NSUN6: variants seen among roughly 807,000 people sequenced by gnomAD.
NSUN6 encodes tRNA (cytosine(72)-C(5))-methyltransferase NSUN6.
In NSUN6, 64 loss-of-function variants were observed where a neutral mutation model predicts 58.0. The ratio of observed to expected loss-of-function variants is 1.10; its 90% CI spans 0.90 to 1.36. The LOEUF is 1.36. Ranked by LOEUF, NSUN6 falls within the 40% of genes most tolerant of loss-of-function variation. NSUN6 has a pLI of 0.00. For missense variants in NSUN6, 701 were observed against 550.1 expected (o/e 1.27, Z -2.74); for synonymous variants, 231 against 193.9 (o/e 1.19, Z -1.59).
At chr10:18,633,708 T>C (rs1433072579) in intron 3 of NSUN6, among the ~76,000 whole-genome samples, 2 of 152,174 alleles carry the variant, frequency 1.3e-5, no homozygotes, top group African/African-American at 2.4e-5. Context: ...AAAGAAGAAA[T>C]AGATTGTCAG....
chr10:18,628,031 G>A (rs962565706), intron 3 of NSUN6, among the ~76,000 whole-genome samples: 2 of 152,234 alleles, frequency 1.3e-5, no homozygotes, highest in African/African-American at 4.8e-5. Flanking sequence ...GAAGAGAGCA[G>A]TGGTTCTCCC....
At position 18,585,901 on chromosome 10, in the gene NSUN6, C is replaced by T. The variant is rs764090768; in HGVS notation, c.922+48G>A. 1.6e-5 allele frequency: 23 copies of T among 1,425,256 alleles called. No homozygotes were observed. The South Asian group carries it at 2.8e-4, about 17-fold the overall frequency. The allele number at this position is 1,425,256 out of a possible 1,614,324, so 88.3% of individuals were successfully genotyped here. A position where few individuals can be genotyped will look rare whatever the true frequency, so the allele number is the denominator to read the frequency against. ...TGTCAAAACATCACACTGTATGCCA[C>T]AAATATATGATCTGTCAATTAAAAA... On this transcript the variant is annotated intron_variant, in intron 8 of 10. Coordinates refer to ENST00000377304, the MANE Select transcript of NSUN6 (RefSeq NM_182543.5).
upstream of NSUN6, among the ~76,000 whole-genome samples, chr10:18,653,890 C>T (rs2059748532): frequency 6.6e-6 from 1 of 152,078 alleles, no homozygotes; most frequent in Non-Finnish European, 1.5e-5. Flanking sequence ...ACATGGCTCC[C>T]CAGGGTGTGG....
At chr10:18,584,317 G>A (rs551632557) in intron 8 of NSUN6, among the ~76,000 whole-genome samples, 3 of 152,258 alleles carry the variant, frequency 2.0e-5, no homozygotes, top group South Asian at 4.1e-4. Context: ...AAAAGTTTCC[G>A]CTTTCTGCTC....
chr10:18,548,381 A>C (rs1589807046), intron 9 of NSUN6, 144 bp from the exon 10 acceptor site: 1 of 653,856 alleles, frequency 1.5e-6, no homozygotes, highest in East Asian at 2.8e-5. Flanking sequence ...TTCTGTAATT[A>C]GAGTATGCAA....
chr10:18,594,373 T>C (rs2057499171), intron 7 of NSUN6, among the ~76,000 whole-genome samples: 1 of 152,168 alleles, frequency 6.6e-6, no homozygotes, highest in Non-Finnish European at 1.5e-5. Context: ...TAGCCTACAA[T>C]GCAGACAATT....
intron 8 of NSUN6, among the ~76,000 whole-genome samples, chr10:18,569,277 T>C (rs1206322031): frequency 6.7e-6 from 1 of 149,408 alleles, no homozygotes; most frequent in African/African-American, 2.5e-5. Flanking sequence ...TCCATTCCAT[T>C]CTCCATACCA....
chr10:18,561,256 A>C (rs1277023473), intron 8 of NSUN6, among the ~76,000 whole-genome samples: 1 of 78,334 alleles, frequency 1.3e-5, no homozygotes, highest in African/African-American at 4.6e-5. Flanking sequence ...TGCAGTGGTG[A>C]ACAGAATGGA....
chr10:18,625,669 C>T (rs1357935490), intron 3 of NSUN6, among the ~76,000 whole-genome samples: 17 of 137,552 alleles, frequency 1.2e-4, no homozygotes, highest in East Asian at 2.3e-4. Flanking sequence ...GCCGAGATCG[C>T]GCCACTGCAC....
At chr10:18,580,290 T>A (rs1442998900) in intron 8 of NSUN6, among the ~76,000 whole-genome samples, 1 of 152,170 alleles carries the variant, frequency 6.6e-6, no homozygotes, top group Non-Finnish European at 1.5e-5. Flanking sequence ...CGCTCTTTTC[T>A]CCCTTTTCCA....
chr10:18,620,175 C>T (rs1005792648), intron 3 of NSUN6, among the ~76,000 whole-genome samples: 6 of 151,870 alleles, frequency 4.0e-5, no homozygotes, highest in Non-Finnish European at 8.8e-5. Context: ...GCAAGCTCCA[C>T]CTCCCGGGTT....
At chr10:18,548,057 G>A in intron 10 of NSUN6, 55 bp downstream of exon 10, 1 of 1,557,382 alleles carries the variant, frequency 6.4e-7, no homozygotes, top group Admixed American at 1.7e-5. Flanking sequence ...TTACCACAGT[G>A]CTTCAGTTTC....
intron 8 of NSUN6, among the ~76,000 whole-genome samples, chr10:18,562,802 A>AATGGAATGAAAGGGAGG (rs2055631034): frequency 6.7e-6 from 1 of 149,596 alleles, no homozygotes; most frequent in Admixed American, 6.7e-5. Flanking sequence ...TGGAGTGGAG[A>AATGGAATGAAAGGGAGG]ATGGAATGAA....
chr10:18,591,042 T>C (rs2057359421), intron 7 of NSUN6, among the ~76,000 whole-genome samples: 1 of 151,876 alleles, frequency 6.6e-6, no homozygotes, highest in Non-Finnish European at 1.5e-5. Flanking sequence ...CAATAAAAAA[T>C]GATAAAGGGG....
intron 3 of NSUN6, among the ~76,000 whole-genome samples, chr10:18,638,279 A>G (rs1356582099): frequency 2.0e-5 from 3 of 152,062 alleles, no homozygotes. Context: ...CCCATCTACT[A>G]AAAATACAAA....
intron 8 of NSUN6, among the ~76,000 whole-genome samples, chr10:18,569,771 C>T (rs2056227079): frequency 6.6e-6 from 1 of 151,332 alleles, no homozygotes; most frequent in Non-Finnish European, 1.5e-5. Flanking sequence ...TCATTCTATT[C>T]ACCACTGCAT....
At chr10:18,558,783 T>C (rs1389372662) in intron 8 of NSUN6, among the ~76,000 whole-genome samples, 2 of 147,548 alleles carry the variant, frequency 1.4e-5, no homozygotes, top group African/African-American at 5.0e-5. Context: ...TGGAATGGAA[T>C]TGAGAATGGA....
intron 3 of NSUN6, among the ~76,000 whole-genome samples, chr10:18,632,756 A>T (rs1241366952): frequency 6.6e-6 from 1 of 152,190 alleles, no homozygotes; most frequent in Non-Finnish European, 1.5e-5. Context: ...TCAGGAAACA[A>T]CAGGTGCTGG....
At chr10:18,644,063 G>A (rs569322299) in intron 2 of NSUN6, among the ~76,000 whole-genome samples, 77 of 152,110 alleles carry the variant, frequency 5.1e-4, no homozygotes, top group African/African-American at 1.8e-3. Context: ...CATTTTAAAC[G>A]TACAATTCAA....
Sources: allele counts gnomAD v4.1 joint callset (sites outside exome capture counted in the v4.1 genomes callset), GRCh38; gene constraint gnomAD v4.1.1; transcripts MANE v1.5; gene names NCBI Gene and HGNC (gene_info 2026-07-23, HGNC 2026-07-21).